Variants in TOX observed in about 807,000 individuals in gnomAD.
TOX encodes the protein thymocyte selection associated high mobility group box.
A neutral mutation model predicts 53.7 loss-of-function variants in TOX; 11 were observed. That is an observed-to-expected ratio of 0.20 (90% confidence interval 0.13 to 0.34). The LOEUF (loss-of-function observed/expected upper bound fraction) is 0.34. Among genes scored for constraint, TOX ranks in the 10% least tolerant of loss-of-function variants. TOX has a pLI of 1.00. For missense variants in TOX, 570 were observed against 664.6 expected (o/e 0.86, Z 1.56); for synonymous variants, 225 against 245.3 (o/e 0.92, Z 0.77).
At chr8:59,095,641 C>T (rs1471667614) in intron 1 of TOX, among the ~76,000 whole-genome samples, 1 of 152,066 alleles carries the variant, frequency 6.6e-6, no homozygotes, top group Admixed American at 6.6e-5. Flanking sequence ...ATCAAGTGAT[C>T]CACCTGCCTC....
At chr8:58,900,994 C>T (rs1217279665) in intron 3 of TOX, among the ~76,000 whole-genome samples, 1 of 152,054 alleles carries the variant, frequency 6.6e-6, no homozygotes, top group Non-Finnish European at 1.5e-5. Context: ...TATTTTAACC[C>T]TATACCTTGG....
intron 2 of TOX, among the ~76,000 whole-genome samples, chr8:58,957,646 G>A (rs1319924767): frequency 6.6e-6 from 1 of 152,194 alleles, no homozygotes; most frequent in Non-Finnish European, 1.5e-5. Flanking sequence ...GAGCAGTAGT[G>A]CGCCATATGT....
At chr8:59,105,810 G>C (rs1804889380) in intron 1 of TOX, among the ~76,000 whole-genome samples, 3 of 152,032 alleles carry the variant, frequency 2.0e-5, no homozygotes, top group Admixed American at 1.3e-4. Context: ...AAAGTTTCCT[G>C]TTACATAAAA....
At chr8:59,053,943 C>T (rs564940656) in intron 1 of TOX, among the ~76,000 whole-genome samples, 2 of 152,146 alleles carry the variant, frequency 1.3e-5, no homozygotes, top group African/African-American at 4.8e-5. Flanking sequence ...AATCTTGCAT[C>T]CTCTTATTAA....
chr8:58,953,700 C>A (rs1000446855), intron 2 of TOX, among the ~76,000 whole-genome samples: 1 of 152,140 alleles, frequency 6.6e-6, no homozygotes, highest in Admixed American at 6.5e-5. Flanking sequence ...CAGAGCATGG[C>A]AGCTTTATCA....
intron 3 of TOX, among the ~76,000 whole-genome samples, chr8:58,859,594 A>G (rs1300592155): frequency 6.6e-6 from 1 of 152,180 alleles, no homozygotes; most frequent in East Asian, 1.9e-4. Flanking sequence ...TGCCAAATGA[A>G]CAGCCATAGT....
chr8:59,030,344 T>G (rs145928385), intron 1 of TOX, among the ~76,000 whole-genome samples: 1 of 152,228 alleles, frequency 6.6e-6, no homozygotes. Flanking sequence ...GTAATGTTTG[T>G]TAATGTTACT....
chr8:58,972,865 T>C (rs1039892112), intron 1 of TOX, among the ~76,000 whole-genome samples: 4 of 152,208 alleles, frequency 2.6e-5, no homozygotes, highest in African/African-American at 9.6e-5. Flanking sequence ...ATTAAGTAGT[T>C]TTAAGATAAT....
At chr8:59,002,917 G>T (rs1379231540) in intron 1 of TOX, among the ~76,000 whole-genome samples, 1 of 152,182 alleles carries the variant, frequency 6.6e-6, no homozygotes, top group Non-Finnish European at 1.5e-5. Flanking sequence ...TGAAACACAA[G>T]GGGTATATAG....
intron 1 of TOX, among the ~76,000 whole-genome samples, chr8:59,063,426 C>CTTTT (rs35219789): frequency 2.4e-5 from 3 of 123,806 alleles, no homozygotes; most frequent in East Asian, 2.6e-4. Flanking sequence ...AGGATATAGA[C>CTTTT]TTTTTTTTTT....
rs61434586 is a variant in TOX at position 58,998,493 on chromosome 8, G to GTA, written c.103-38487_103-38486dup. 9.7e-3 allele frequency among the ~76,000 whole-genome samples: 615 copies of GTA among 63,546 alleles called. 9 individuals carry two copies. The highest frequency in any genetic ancestry group is 0.025 in the African/African-American group (225 of 9,116). The allele number at this position is 63,546 out of a possible 152,430, so 41.7% of individuals were successfully genotyped here. Reference sequence around the variant, plus strand: ...GATAGAGCCAGACTCCATCTCAAAAGTATATATATATATATATATATATAT... The same window carrying GTA: ...GATAGAGCCAGACTCCATCTCAAAAGTATATATATATATATATATATATATAT... On this transcript the variant is annotated intron_variant, in intron 1 of 8. Coordinates refer to ENST00000361421, the MANE Select transcript of TOX (RefSeq NM_014729.3).
chr8:59,113,453 G>C (rs926397725), intron 1 of TOX, among the ~76,000 whole-genome samples: 1 of 152,104 alleles, frequency 6.6e-6, no homozygotes, highest in Admixed American at 6.5e-5. Flanking sequence ...GCATAATTTG[G>C]GATTTCAAAA....
chr8:58,823,040 G>C (rs1810308047), intron 6 of TOX, among the ~76,000 whole-genome samples: 1 of 152,152 alleles, frequency 6.6e-6, no homozygotes, highest in South Asian at 2.1e-4. Flanking sequence ...GTATATTTTT[G>C]TTACTATTGG....
chr8:58,818,042 A>G (rs1284048956), intron 6 of TOX, among the ~76,000 whole-genome samples: 2 of 152,214 alleles, frequency 1.3e-5, no homozygotes, highest in African/African-American at 4.8e-5. Flanking sequence ...AGAGGTAGAG[A>G]TGGAATAGAT....
intron 3 of TOX, among the ~76,000 whole-genome samples, chr8:58,878,624 T>C (rs1811327528): frequency 6.6e-6 from 1 of 152,268 alleles, no homozygotes; most frequent in African/African-American, 2.4e-5. Flanking sequence ...ATAAGAATTC[T>C]ATTTTTCTGG....
chr8:58,995,562 A>G (rs977753550), intron 1 of TOX, among the ~76,000 whole-genome samples: 2 of 152,236 alleles, frequency 1.3e-5, no homozygotes, highest in African/African-American at 2.4e-5. Context: ...ACTGTTTATC[A>G]AGATCTCTCT....
intron 4 of TOX, among the ~76,000 whole-genome samples, chr8:58,840,813 C>G (rs1231681741): frequency 2.1e-5 from 3 of 146,266 alleles, no homozygotes; most frequent in African/African-American, 8.0e-5. Flanking sequence ...TAGATCTCCA[C>G]TGGCCACACT....
chr8:58,877,443 C>T (rs1811304879), intron 3 of TOX, among the ~76,000 whole-genome samples: 1 of 152,138 alleles, frequency 6.6e-6, no homozygotes, highest in African/African-American at 2.4e-5. Context: ...ATTGTGCTTC[C>T]TCAATTCTGA....
intron 1 of TOX, among the ~76,000 whole-genome samples, chr8:59,029,637 A>ATTT (rs2129419961): frequency 6.6e-6 from 1 of 152,286 alleles, no homozygotes; most frequent in East Asian, 1.9e-4. Context: ...AAAAGGATTA[A>ATTT]CATTTTTTAA....
Sources: gnomAD v4.1 joint callset for allele counts (sites outside exome capture counted in the v4.1 genomes callset) on GRCh38, gnomAD v4.1.1 for gene constraint, MANE v1.5 for transcripts, NCBI Gene and HGNC (gene_info 2026-07-23, HGNC 2026-07-21) for gene names.